The following USH2A variants were observed in gnomAD, a reference collection of about 807,000 sequenced individuals.
USH2A encodes the protein Usher syndrome 2A (autosomal recessive, mild).
In USH2A, 443 loss-of-function variants were observed where a neutral mutation model predicts 538.9. The observed-to-expected ratio is 0.82, with a 90% CI of 0.76 to 0.89. The LOEUF is 0.89. USH2A is among the 40% of genes least tolerant of loss of function. The probability of loss-of-function intolerance (pLI) is 0.00; values close to 1 mark genes in which losing one functional copy is unlikely to be tolerated. For missense variants in USH2A, 6,633 were observed against 6,324.8 expected (o/e 1.05, Z -1.65); for synonymous variants, 2,413 against 2,273.5 (o/e 1.06, Z -1.75).
intron 37 of USH2A, among the ~76,000 whole-genome samples, chr1:215,953,294 C>G (rs1173092475): frequency 6.6e-6 from 1 of 152,150 alleles, no homozygotes; most frequent in African/African-American, 2.4e-5. Flanking sequence ...CTGGAGGCAT[C>G]ACGCTACCTG....
chr1:216,064,515 A>G (rs1408959352), intron 30 of USH2A, among the ~76,000 whole-genome samples: 1 of 150,568 alleles, frequency 6.6e-6, no homozygotes, highest in Non-Finnish European at 1.5e-5. Flanking sequence ...TTTTTTTTTA[A>G]TTTTCTCATC....
rs56856025 is a variant in USH2A, at chr1:216,242,377, A to T, written c.2809+4208T>A. On this transcript the variant is annotated intron_variant, in intron 13 of 71. Transcript: ENST00000307340. ...TCTCAAAAGAAAAAAAAAGAAAAAA[A>T]AAATATATATATATGTATATATAAT... is the stretch of plus-strand genomic sequence containing the variant. Among the ~76,000 whole-genome samples the T allele has an allele frequency of 8.6e-3, 1,288 of 150,068 alleles. 17 individuals are homozygous for T. The highest frequency in any genetic ancestry group is 0.031 in the African/African-American group (1,240 of 40,626).
intron 3 of USH2A, among the ~76,000 whole-genome samples, chr1:216,417,265 TAA>T (rs10707482): frequency 0.01 from 1,388 of 134,906 alleles, 17 homozygotes; most frequent in African/African-American, 0.034. Context: ...GCTTCAAGAT[TAA>T]AAAAAAAAAA....
At chr1:216,023,459 C>CAAAAAAAAAAAAAAAAAA in intron 32 of USH2A, among the ~76,000 whole-genome samples, 42 of 46,928 alleles carry the variant, frequency 8.9e-4, no homozygotes, top group East Asian at 1.6e-3. Flanking sequence ...TCAAAGCAGA[C>CAAAAAAAAAAAAAAAAAA]AAAAAAAAAA....
chr1:215,729,419 C>T (rs1030494850), intron 60 of USH2A, among the ~76,000 whole-genome samples: 3 of 152,040 alleles, frequency 2.0e-5, no homozygotes, highest in Non-Finnish European at 4.4e-5. Flanking sequence ...ACATCAAGAC[C>T]ACTGTTTTTT....
chr1:215,867,186 G>A lies in USH2A; in HGVS notation c.8682-16C>T. 1.2e-6 allele frequency: 2 copies of A among 1,611,470 alleles called. No homozygotes were observed. The highest frequency in any genetic ancestry group is 1.7e-6 in the Non-Finnish European group (2 of 1,178,628). Reference sequence around the variant, plus strand: ...GGTTGTAAACCTAAAATGTTGTTTTGTTAAAAAAAGTATATGAATTTCTAC... The same window carrying A: ...GGTTGTAAACCTAAAATGTTGTTTTATTAAAAAAAGTATATGAATTTCTAC... On this transcript the variant is annotated splice_polypyrimidine_tract_variant and intron_variant, in intron 43 of 71. Transcript: ENST00000307340.
At chr1:216,175,785 C>T (rs1483264500) in intron 20 of USH2A, among the ~76,000 whole-genome samples, 3 of 152,154 alleles carry the variant, frequency 2.0e-5, no homozygotes, top group African/African-American at 7.2e-5. Flanking sequence ...ATAGTAGCTG[C>T]TGTACTCTGG....
Position 216,418,559 on chromosome 1 carries a change from T to C in USH2A, c.606A>G (p.Thr202=), listed in dbSNP as rs1164733341. The C allele has an allele frequency of 6.2e-7, 1 of 1,613,370 alleles. No homozygotes were observed. Among genetic ancestry groups the C allele is most frequent in the Non-Finnish European group, 8.5e-7 (1 of 1,179,558 alleles). ...NGLQPPIKVM[T]LGRILVKKWI... The stretch of plus-strand genomic sequence containing the variant: ...ATTTCTTCACAAGAATTCTCCCCAG[T>C]GTCATTACTTTTATTGGAGGTTGCA... Residue 202 remains threonine, a synonymous_variant, in exon 3 of 72, where the codon ACA becomes ACG. Transcript: ENST00000307340.
intron 36 of USH2A, 70 bp from the exon 37 acceptor site, chr1:215,965,549 CT>C: frequency 1.3e-6 from 2 of 1,561,444 alleles, no homozygotes; most frequent in Non-Finnish European, 1.8e-6. Flanking sequence ...GAGCATATTT[CT>C]TCAAAGAATC....
intron 4 of USH2A, among the ~76,000 whole-genome samples, chr1:216,330,621 G>A (rs2037840624): frequency 6.6e-6 from 1 of 151,926 alleles, no homozygotes; most frequent in Admixed American, 6.6e-5. Flanking sequence ...TGGGGGAGAG[G>A]GGAGGATGGA....
chr1:216,175,794 G>T (rs1202759790), intron 20 of USH2A, among the ~76,000 whole-genome samples: 1 of 151,986 alleles, frequency 6.6e-6, no homozygotes, highest in East Asian at 1.9e-4. Flanking sequence ...GCTGTACTCT[G>T]GGTGGTGCCC....
chr1:216,039,099 C>T (rs2030147406), intron 32 of USH2A, among the ~76,000 whole-genome samples: 1 of 151,998 alleles, frequency 6.6e-6, no homozygotes, highest in Admixed American at 6.6e-5. Context: ...TTGTTTACAG[C>T]TAACCACAAC....
chr1:215,714,498 T>C (rs889206319), intron 61 of USH2A, among the ~76,000 whole-genome samples: 3 of 152,216 alleles, frequency 2.0e-5, no homozygotes, highest in Non-Finnish European at 2.9e-5. Context: ...TGGGTTCTCA[T>C]TAATATTAAT....
At chr1:215,982,858 G>A (rs947963058) in intron 35 of USH2A, among the ~76,000 whole-genome samples, 2 of 152,200 alleles carry the variant, frequency 1.3e-5, no homozygotes, top group Middle Eastern at 3.2e-3. Context: ...AGGAAAACAT[G>A]GGATAGAGAA....
intron 4 of USH2A, among the ~76,000 whole-genome samples, chr1:216,359,070 C>T (rs746159314): frequency 1.2e-4 from 19 of 152,112 alleles, no homozygotes; most frequent in Admixed American, 7.9e-4. Context: ...AAATTCTTCA[C>T]GCAGAGTATT....
chr1:215,826,462 T>C (rs1462077532), intron 47 of USH2A, among the ~76,000 whole-genome samples: 3 of 152,062 alleles, frequency 2.0e-5, no homozygotes, highest in Non-Finnish European at 4.4e-5. Flanking sequence ...CATATTTGGA[T>C]AAAATGGAAT....
chr1:216,150,435 CT>C (rs929323607), intron 21 of USH2A, among the ~76,000 whole-genome samples: 10 of 28,552 alleles, frequency 3.5e-4, no homozygotes, highest in Non-Finnish European at 5.5e-4. Flanking sequence ...CACTGTCAAC[CT>C]TAACCCATTC....
At chr1:216,337,128 C>G (rs1571715376) in intron 4 of USH2A, among the ~76,000 whole-genome samples, 1 of 151,382 alleles carries the variant, frequency 6.6e-6, no homozygotes, top group Admixed American at 6.6e-5. Context: ...CATCAAAGTA[C>G]TCTAAGTATT....
chr1:215,964,708 T>C (rs530745434), intron 37 of USH2A, among the ~76,000 whole-genome samples: 2 of 152,324 alleles, frequency 1.3e-5, no homozygotes, highest in East Asian at 3.9e-4. Flanking sequence ...ATACCTGCTC[T>C]TTTTATGGTA....
Sources: allele counts gnomAD v4.1 joint callset (sites outside exome capture counted in the v4.1 genomes callset), GRCh38; gene constraint gnomAD v4.1.1; transcripts MANE v1.5; gene names NCBI Gene and HGNC (gene_info 2026-07-23, HGNC 2026-07-21).